CDK6: variants seen among roughly 807,000 people sequenced by gnomAD.
CDK6 encodes the protein cyclin dependent kinase 6, also known as cyclin-dependent kinase 6.
In CDK6, 6 loss-of-function variants were observed where a neutral mutation model predicts 37.1. The ratio of observed to expected loss-of-function variants is 0.16; its 90% CI spans 0.09 to 0.32. CDK6 has a LOEUF of 0.32. CDK6 is among the 10% of genes least tolerant of loss of function. The pLI, the probability that CDK6 is intolerant of heterozygous loss-of-function variation, is 1.00. For synonymous variants in CDK6, 160 were observed against 161.3 expected (o/e 0.99, Z 0.06); for missense variants, 224 against 418.9 (o/e 0.53, Z 4.06).
At chr7:92,637,955 T>C (rs1796211277) in intron 5 of CDK6, among the ~76,000 whole-genome samples, 2 of 152,166 alleles carry the variant, frequency 1.3e-5, no homozygotes, top group African/African-American at 4.8e-5. Context: ...GTAGGGCCCT[T>C]TAAAGCTTAC....
chr7:92,696,593 A>T (rs1797723531), intron 4 of CDK6, among the ~76,000 whole-genome samples: 1 of 152,212 alleles, frequency 6.6e-6, no homozygotes, highest in East Asian at 1.9e-4. Context: ...AACTGGTTTG[A>T]TATGTCAGGG....
intron 4 of CDK6, among the ~76,000 whole-genome samples, chr7:92,709,546 A>G (rs1053339519): frequency 4.6e-5 from 7 of 152,150 alleles, no homozygotes; most frequent in Non-Finnish European, 8.8e-5. Context: ...ATATGTAACT[A>G]AAAAAACATA....
At chr7:92,724,919 C>T (rs1444620487) in intron 4 of CDK6, 26 of 691,840 alleles carry the variant, frequency 3.8e-5, no homozygotes, top group Middle Eastern at 7.2e-4. Context: ...ATTTGGGGTG[C>T]AGAATTTCAC....
In CDK6 at chr7:92,774,738, C is replaced by T. The variant is rs1799804044; in HGVS notation, c.327G>A (p.Leu109=). 6.2e-7 allele frequency: 1 copy of T among 1,610,220 alleles called. No homozygotes were observed. The highest frequency in any genetic ancestry group is 8.5e-7 in the Non-Finnish European group (1 of 1,178,670). Residue 109 remains leucine, a synonymous_variant, in exon 3 of 8, where the codon TTG becomes TTA. Transcript: ENST00000424848. Reference sequence around the variant, plus strand: ...GCACTCCAGGCTCTGGAACTTTATCCAAGTAAGTGGTCAAGTCTTGATCGA... The same window carrying T: ...GCACTCCAGGCTCTGGAACTTTATCTAAGTAAGTGGTCAAGTCTTGATCGA... ...EHVDQDLTTY[L]DKVPEPGVPT...
intron 5 of CDK6, among the ~76,000 whole-genome samples, chr7:92,642,708 C>G (rs1796339644): frequency 6.6e-6 from 1 of 151,938 alleles, no homozygotes; most frequent in African/African-American, 2.4e-5. Context: ...ATATTAATAT[C>G]CTCATTTTAC....
At chr7:92,790,457 T>C (rs1449771162) in intron 2 of CDK6, among the ~76,000 whole-genome samples, 1 of 152,192 alleles carries the variant, frequency 6.6e-6, no homozygotes, top group African/African-American at 2.4e-5. Context: ...TCGATAGCAT[T>C]GAACAAATGC....
At chr7:92,679,035 T>C (rs1246920454) in intron 4 of CDK6, among the ~76,000 whole-genome samples, 1 of 152,242 alleles carries the variant, frequency 6.6e-6, no homozygotes, top group African/African-American at 2.4e-5. Context: ...GGTAATGAAC[T>C]GACTGCGAGT....
rs375660987 is a variant in CDK6 at position 92,635,501 on chromosome 7, C to T, written c.648-12415G>A. On this transcript the variant is annotated intron_variant, in intron 5 of 7. Coordinates refer to ENST00000424848, the MANE Select transcript of CDK6 (RefSeq NM_001145306.2). ...CTCCATATCATGGAAGAAAATAACA[C>T]AAAATAATAAACCATGTGAATGAAG... Among the ~76,000 whole-genome samples the T allele has an allele frequency of 8.5e-5, 13 of 152,216 alleles. No homozygotes were observed. The East Asian group carries it at 2.5e-3, about 29-fold the overall frequency.
rs1163218468 is a variant in CDK6 at position 92,671,163 on chromosome 7, C to A, written c.647+263G>T. The A allele has an allele frequency of 2.8e-5, 8 of 287,276 alleles. 1 individual carries two copies. The Admixed American group carries it at 4.1e-4, about 15-fold the overall frequency. The allele number at this position is 287,276 out of a possible 1,614,324, so 17.8% of individuals were successfully genotyped here. ...TATTTTCACCATGTCCTATCATCAC[C>A]AGTAAAACAATGTAACTTATAAGAA... On this transcript the variant is annotated intron_variant, in intron 5 of 7. Transcript: ENST00000424848.
chr7:92,630,934 C>G (rs2237571), intron 5 of CDK6, among the ~76,000 whole-genome samples: 3,206 of 152,240 alleles, frequency 0.021, 151 homozygotes, highest in Admixed American at 0.11. Context: ...TAGTGAGGCT[C>G]TGATTATTAA....
intron 4 of CDK6, among the ~76,000 whole-genome samples, chr7:92,724,826 C>T (rs1243767022): frequency 1.3e-5 from 2 of 151,656 alleles, no homozygotes; most frequent in African/African-American, 2.4e-5. Context: ...ATTTACTGTA[C>T]GTAAGGCATG....
rs148430372 is a variant in CDK6, at chr7:92,695,132, G to A, written c.538-23597C>T. ...CAATAATAGACTTTTAAAGAACCAG[G>A]TATAAATGGCAGTGTAAATATACAA... is the stretch of plus-strand genomic sequence containing the variant. On this transcript the variant is annotated intron_variant, in intron 4 of 7. Coordinates refer to ENST00000424848, the MANE Select transcript of CDK6 (RefSeq NM_001145306.2). 5.2e-3 allele frequency among the ~76,000 whole-genome samples: 787 copies of A among 152,022 alleles called. 7 individuals are homozygous for A. The highest frequency in any genetic ancestry group is 0.018 in the African/African-American group (750 of 41,484).
chr7:92,634,501 C>A (rs1431445408), intron 5 of CDK6, among the ~76,000 whole-genome samples: 1 of 151,198 alleles, frequency 6.6e-6, no homozygotes, highest in Admixed American at 6.6e-5. Context: ...ACAAAAAATT[C>A]TTGGCTATTT....
chr7:92,614,340 G>T lies in CDK6; in HGVS notation c.*800C>A, dbSNP rs1813685677. ...AAAGCTTACAGGCTATTTTCCAAAAGAAATGATAAAGCATGATGTCATACA... is the reference window on the plus strand; with the variant it reads ...AAAGCTTACAGGCTATTTTCCAAAATAAATGATAAAGCATGATGTCATACA... On this transcript the variant is annotated 3_prime_UTR_variant, in exon 8 of 8. Coordinates refer to ENST00000424848, the MANE Select transcript of CDK6 (RefSeq NM_001145306.2). The T allele has an allele frequency of 4.3e-6, 1 of 230,146 alleles. No individual in the cohort carries two copies. Among genetic ancestry groups the T allele is most frequent in the Non-Finnish European group, 8.5e-6 (1 of 117,880 alleles). 14.3% of individuals were successfully genotyped at this position (230,146 alleles called of 1,614,324 possible). A position where few individuals can be genotyped will look rare whatever the true frequency, so the allele number is the denominator to read the frequency against.
intron 3 of CDK6, among the ~76,000 whole-genome samples, chr7:92,764,018 G>A (rs1367216808): frequency 6.6e-6 from 1 of 151,888 alleles, no homozygotes; most frequent in East Asian, 1.9e-4. Context: ...CCCTTTATTA[G>A]ATAGTTACTC....
At chr7:92,634,659 C>T (rs1470519801) in intron 5 of CDK6, among the ~76,000 whole-genome samples, 1 of 152,158 alleles carries the variant, frequency 6.6e-6, no homozygotes, top group Non-Finnish European at 1.5e-5. Flanking sequence ...TATTTAATAT[C>T]TTTCTAATAA....
intron 5 of CDK6, among the ~76,000 whole-genome samples, chr7:92,642,159 C>A (rs908367155): frequency 7.2e-5 from 11 of 152,092 alleles, no homozygotes; most frequent in African/African-American, 2.4e-4. Flanking sequence ...CAAGTAGGAG[C>A]CCCCAACTCC....
At chr7:92,649,132 G>A (rs544814641) in intron 5 of CDK6, among the ~76,000 whole-genome samples, 3 of 152,190 alleles carry the variant, frequency 2.0e-5, no homozygotes, top group South Asian at 2.1e-4. Context: ...CATTAATAAT[G>A]AGGGCTGTGA....
intron 5 of CDK6, among the ~76,000 whole-genome samples, chr7:92,628,157 C>CA (rs1795971424): frequency 6.6e-6 from 1 of 151,868 alleles, no homozygotes; most frequent in South Asian, 2.1e-4. Flanking sequence ...TCTATGCATG[C>CA]AAAAAAAGGC....
Sources: gnomAD v4.1 joint callset for allele counts (sites outside exome capture counted in the v4.1 genomes callset) on GRCh38, gnomAD v4.1.1 for gene constraint, MANE v1.5 for transcripts, NCBI Gene and HGNC (gene_info 2026-07-23, HGNC 2026-07-21) for gene names.